The following IFI16 variants were observed in gnomAD, a reference collection of about 807,000 sequenced individuals.
IFI16 encodes interferon gamma inducible protein 16, also known as gamma-interferon-inducible protein 16.
Under a neutral mutation model 68.4 loss-of-function variants are expected in IFI16, and 49 were observed. That is an observed-to-expected ratio of 0.72 (90% CI 0.57 to 0.91). IFI16 has a LOEUF of 0.91. Among genes scored for constraint, IFI16 ranks in the 40% least tolerant of loss-of-function variants. The pLI, the probability that IFI16 is intolerant of heterozygous loss-of-function variation, is 0.00. For missense variants in IFI16, 878 were observed against 942.9 expected (o/e 0.93, Z 0.90); for synonymous variants, 307 against 315.0 (o/e 0.97, Z 0.27).
At chr1:159,033,015 C>A (rs1654104842) in intron 7 of IFI16, among the ~76,000 whole-genome samples, 1 of 151,872 alleles carries the variant, frequency 6.6e-6, no homozygotes, top group Admixed American at 6.6e-5. Flanking sequence ...ATCCTACATT[C>A]CCGTTTCTTT....
intron 6 of IFI16, among the ~76,000 whole-genome samples, chr1:159,025,513 A>G (rs1271834824): frequency 6.6e-6 from 1 of 151,996 alleles, no homozygotes; most frequent in East Asian, 1.9e-4. Flanking sequence ...GACTCATTTT[A>G]ATTTTTTATA....
upstream of IFI16, among the ~76,000 whole-genome samples, chr1:159,009,556 T>A (rs1320772794): frequency 2.0e-5 from 3 of 152,206 alleles, no homozygotes; most frequent in Non-Finnish European, 4.4e-5. Flanking sequence ...TAAGGGAATA[T>A]AAGTCTCTAA....
At position 159,055,120 on chromosome 1, in the gene IFI16, A is replaced by G; in HGVS notation, c.*219A>G. 2.8e-6 allele frequency: 1 copy of G among 359,804 alleles called. No individual in the cohort carries two copies. The allele number at this position is 359,804 out of a possible 1,614,324, so 22.3% of individuals were successfully genotyped here. ...TGCATCTACAACTTCTATAATTTGA[A>G]AAAATAAATAAACATTATCTTTTTT... is the stretch of plus-strand genomic sequence containing the variant. On this transcript the variant is annotated 3_prime_UTR_variant, in exon 12 of 12. Transcript: ENST00000295809.
chr1:159,051,949 C>G lies in IFI16; in HGVS notation c.1936C>G (p.Pro646Ala), dbSNP rs189523472. 97 of 1,614,088 alleles carry G rather than the reference C, an allele frequency of 6.0e-5. No homozygotes were observed. In the East Asian group the frequency reaches 1.3e-3, roughly 21 times the overall value. Residue 646 changes from proline (P) to alanine (A), a missense_variant, in exon 10 of 12, where the codon CCT becomes GCT. Transcript: ENST00000295809. ...CCGCAATGGGTTCCTGGAGGTATAT[C>G]CTTTCACACTTGTGGCTGATGTGAA... Reference protein sequence around the residue: ...VCRNGFLEVYPFTLVADVNAD... With the variant: ...VCRNGFLEVYAFTLVADVNAD...
upstream of IFI16, among the ~76,000 whole-genome samples, chr1:159,004,382 A>T (rs980269857): frequency 6.6e-6 from 1 of 151,930 alleles, no homozygotes; most frequent in African/African-American, 2.4e-5. Context: ...ATCTGAGTAA[A>T]TTATAGATGT....
At chr1:159,033,730 T>C (rs16841532) in intron 7 of IFI16, among the ~76,000 whole-genome samples, 10,923 of 152,282 alleles carry the variant, frequency 0.072, 1,103 homozygotes, top group African/African-American at 0.22. Context: ...ATATGCCATG[T>C]CAGTAATTTA....
At position 159,045,482 on chromosome 1, in the gene IFI16, C is replaced by T. The variant is rs1365275038; in HGVS notation, c.1497+18C>T. 1 of 1,605,690 alleles carries T rather than the reference C, an allele frequency of 6.2e-7. No homozygotes were observed. The highest frequency in any genetic ancestry group is 1.1e-5 in the South Asian group (1 of 90,612). On this transcript the variant is annotated intron_variant, in intron 8 of 11. Transcript: ENST00000295809. ...TAACCACGGTACAAGTTCCCTCTTC[C>T]CAATACATTCCCCTCACTACAATGT...
chr1:159,025,404 T>C (rs1653604099), intron 6 of IFI16, among the ~76,000 whole-genome samples: 1 of 152,266 alleles, frequency 6.6e-6, no homozygotes, highest in Admixed American at 6.5e-5. Flanking sequence ...ATTTTACCTT[T>C]ATATTAATGT....
At chr1:159,029,219 G>C (rs767190681) in intron 6 of IFI16, among the ~76,000 whole-genome samples, 1 of 152,214 alleles carries the variant, frequency 6.6e-6, no homozygotes, top group South Asian at 2.1e-4. Context: ...GCATTTGTTT[G>C]TCTGAAAGAG....
intron 6 of IFI16, among the ~76,000 whole-genome samples, chr1:159,021,576 C>G (rs1653314336): frequency 6.6e-6 from 1 of 152,126 alleles, no homozygotes; most frequent in Non-Finnish European, 1.5e-5. Flanking sequence ...GTGCAATGAT[C>G]TTTTTTTGTA....
chr1:159,027,174 G>T (rs112588929), intron 6 of IFI16, among the ~76,000 whole-genome samples: 6,355 of 152,148 alleles, frequency 0.042, 288 homozygotes, highest in African/African-American at 0.11. Flanking sequence ...GTCATAGACG[G>T]CTTTTATTAC....
At chr1:159,008,654 C>T (rs1652362623), upstream of IFI16, among the ~76,000 whole-genome samples, 1 of 152,180 alleles carries the variant, frequency 6.6e-6, no homozygotes, top group Non-Finnish European at 1.5e-5. Context: ...TACCTACTGC[C>T]TTAAGGCCAA....
At chr1:159,053,779 C>A in intron 11 of IFI16, 55 bp downstream of exon 11, 1 of 1,384,360 alleles carries the variant, frequency 7.2e-7, no homozygotes, top group Non-Finnish European at 1.0e-6. Flanking sequence ...TTTGTTTATA[C>A]TTTAAGAAGA....
At chr1:159,039,644 G>A (rs911290166) in intron 7 of IFI16, among the ~76,000 whole-genome samples, 2 of 152,028 alleles carry the variant, frequency 1.3e-5, no homozygotes, top group East Asian at 1.9e-4. Flanking sequence ...GTGCCTGGCC[G>A]GGTTCTATCT....
At chr1:159,009,250 G>A (rs1050831502), upstream of IFI16, 2 of 152,210 alleles carry the variant, frequency 1.3e-5, no homozygotes, top group African/African-American at 2.4e-5. Flanking sequence ...TCATGGTCAA[G>A]AGGACAGCTA....
chr1:159,020,582 T>C, intron 6 of IFI16, 53 bp downstream of exon 6: 2 of 1,411,252 alleles, frequency 1.4e-6, no homozygotes, highest in Admixed American at 2.0e-5. Flanking sequence ...TGATTTGCTT[T>C]AAGTTTTGGC....
At chr1:159,017,608 G>A (rs148451633) in intron 4 of IFI16, among the ~76,000 whole-genome samples, 9 of 19,756 alleles carry the variant, frequency 4.6e-4, no homozygotes, top group Admixed American at 2.5e-3. Context: ...TTTATTTATT[G>A]TTGTTGTTGT....
intron 10 of IFI16, chr1:159,052,836 T>C (rs1655447316): frequency 6.6e-6 from 1 of 152,240 alleles, no homozygotes; most frequent in South Asian, 2.1e-4. Context: ...GTAAATATTA[T>C]GCTTAGCTGA....
intron 7 of IFI16, among the ~76,000 whole-genome samples, chr1:159,042,295 C>T (rs1654698110): frequency 7.3e-6 from 1 of 136,134 alleles, no homozygotes; most frequent in Non-Finnish European, 1.6e-5. Context: ...TATTTGATAT[C>T]TTCTGCCATG....
Sources: gnomAD v4.1 joint callset for allele counts (sites outside exome capture counted in the v4.1 genomes callset) on GRCh38, gnomAD v4.1.1 for gene constraint, MANE v1.5 for transcripts, NCBI Gene and HGNC (gene_info 2026-07-23, HGNC 2026-07-21) for gene names.